Variants in NEXMIF observed in about 807,000 individuals in gnomAD.
The protein encoded by NEXMIF is XLMR protein related to neurite extension.
NEXMIF carries 8 observed loss-of-function variants against 62.1 expected under a neutral mutation model. The observed-to-expected ratio is 0.13, with a 90% CI of 0.08 to 0.23. The LOEUF is 0.23. NEXMIF is among the 10% of genes least tolerant of loss of function. The probability of loss-of-function intolerance (pLI) is 1.00; values close to 1 mark genes in which losing one functional copy is unlikely to be tolerated. For missense variants in NEXMIF, 976 were observed against 1,113.3 expected (o/e 0.88, Z 1.75); for synonymous variants, 404 against 416.6 (o/e 0.97, Z 0.37).
chrX:74,853,647 C>T (rs1447535673), intron 1 of NEXMIF, among the ~76,000 whole-genome samples: 1 of 110,763 alleles, frequency 9.0e-6, no homozygotes, highest in Non-Finnish European at 1.9e-5. Context: ...AGTTTTCACC[C>T]TTTCTAGCTG....
rs779709380 is a variant in NEXMIF, at chrX:74,794,519, C to T, written c.-47-48822G>A. Among the ~76,000 whole-genome samples the T allele has an allele frequency of 3.5e-3, 387 of 112,124 alleles. 2 individuals carry two copies. The highest frequency in any genetic ancestry group is 0.011 in the African/African-American group (349 of 30,930). ...TGGGCTCCACCCAGTTCGAGCTTCC[C>T]GGCTGCTTTGTTTACCTTATCAAGC... On this transcript the variant is annotated intron_variant, in intron 1 of 3. Transcript: ENST00000055682.
chrX:74,837,485 C>G (rs968098448), intron 1 of NEXMIF, among the ~76,000 whole-genome samples: 4 of 112,100 alleles, frequency 3.6e-5, no homozygotes, highest in African/African-American at 1.3e-4. Flanking sequence ...AATATTACCT[C>G]CTAACAGAAG....
intron 1 of NEXMIF, among the ~76,000 whole-genome samples, chrX:74,787,863 G>C (rs1238328807): frequency 9.0e-6 from 1 of 111,450 alleles, no homozygotes; most frequent in East Asian, 2.8e-4. Flanking sequence ...CTCAAACCTT[G>C]AAAGTACACT....
intron 1 of NEXMIF, among the ~76,000 whole-genome samples, chrX:74,821,612 T>G (rs1490732730): frequency 8.9e-6 from 1 of 112,255 alleles, no homozygotes; most frequent in Non-Finnish European, 1.9e-5. Context: ...ATTTAATTCA[T>G]TAGTTTTCAA....
At chrX:74,868,726 A>C (rs958036343) in intron 1 of NEXMIF, among the ~76,000 whole-genome samples, 2 of 110,712 alleles carry the variant, frequency 1.8e-5, no homozygotes, top group African/African-American at 6.6e-5. Flanking sequence ...ACCAGGGCAC[A>C]TGTTTACCTA....
At chrX:74,745,467 C>A in intron 2 of NEXMIF, 105 bp downstream of exon 2, 1 of 531,604 alleles carries the variant, frequency 1.9e-6, no homozygotes, top group Non-Finnish European at 3.3e-6. Context: ...ATTTCAGAGG[C>A]ATCCTGGACT....
intron 1 of NEXMIF, among the ~76,000 whole-genome samples, chrX:74,824,679 C>T (rs2080408647): frequency 9.4e-6 from 1 of 106,244 alleles, no homozygotes; most frequent in African/African-American, 3.5e-5. Flanking sequence ...GACAGAGTCT[C>T]ACTCTGTCGC....
intron 1 of NEXMIF, among the ~76,000 whole-genome samples, chrX:74,883,364 T>C (rs1268134619): frequency 1.8e-5 from 2 of 110,511 alleles, no homozygotes; most frequent in South Asian, 3.9e-4. Context: ...AAGAAGGAAG[T>C]TCGAACCAAT....
At chrX:74,843,581 A>AT (rs1158662415) in intron 1 of NEXMIF, among the ~76,000 whole-genome samples, 7 of 109,699 alleles carry the variant, frequency 6.4e-5, no homozygotes, top group Non-Finnish European at 1.9e-5. Flanking sequence ...CGCACAGCTA[A>AT]TTTTTTGTAT....
chrX:74,803,782 C>T (rs1164794245), intron 1 of NEXMIF, among the ~76,000 whole-genome samples: 1 of 109,822 alleles, frequency 9.1e-6, no homozygotes, highest in African/African-American at 3.3e-5. Flanking sequence ...AACACACACA[C>T]TTTTACCCTA....
chrX:74,850,988 A>G (rs780792629), intron 1 of NEXMIF, among the ~76,000 whole-genome samples: 1 of 110,662 alleles, frequency 9.0e-6, no homozygotes, highest in African/African-American at 3.3e-5. Context: ...ACAATTCAGT[A>G]TATTAATGAG....
intron 1 of NEXMIF, among the ~76,000 whole-genome samples, chrX:74,856,546 C>T (rs1236666264): frequency 9.0e-6 from 1 of 111,090 alleles, no homozygotes; most frequent in Non-Finnish European, 1.9e-5. Flanking sequence ...CAATAGACCA[C>T]ATATACAACA....
chrX:74,920,478 T>C (rs1455982993), intron 1 of NEXMIF, among the ~76,000 whole-genome samples: 1 of 111,280 alleles, frequency 9.0e-6, no homozygotes, highest in Non-Finnish European at 1.9e-5. Flanking sequence ...GGGTTGTTTG[T>C]TTTTTTCTTG....
At chrX:74,900,729 T>C (rs1018317231) in intron 1 of NEXMIF, among the ~76,000 whole-genome samples, 3 of 111,763 alleles carry the variant, frequency 2.7e-5, no homozygotes, top group Admixed American at 9.5e-5. Context: ...TCATTCACAA[T>C]AGCCAAAAGG....
chrX:74,877,696 A>G (rs1433727346), intron 1 of NEXMIF, among the ~76,000 whole-genome samples: 2 of 110,928 alleles, frequency 1.8e-5, no homozygotes, highest in African/African-American at 6.6e-5. Context: ...GTTTCTTTTT[A>G]TTCTTTTTTC....
intron 1 of NEXMIF, among the ~76,000 whole-genome samples, chrX:74,882,966 G>A (rs908895305): frequency 1.8e-5 from 2 of 111,399 alleles, no homozygotes; most frequent in African/African-American, 3.3e-5. Context: ...GGAATGATCA[G>A]GGAGCAGCAT....
rs2080092152 is a variant in NEXMIF, at chrX:74,738,767, T to G, written c.*638A>C. 1 of 109,740 alleles carries G rather than the reference T, an allele frequency of 9.1e-6. No homozygotes were observed. The highest frequency in any genetic ancestry group is 9.9e-5 in the Admixed American group (1 of 10,114). 9.0% of individuals were successfully genotyped at this position (109,740 alleles called of 1,213,427 possible). The stretch of plus-strand genomic sequence containing the variant: ...GGAACAAGAAAATCTTTATTTTGCC[T>G]TGTTTAGCTGTTCATGTTTCCACAC... On this transcript the variant is annotated 3_prime_UTR_variant, in exon 4 of 4. Transcript: ENST00000055682.
At chrX:74,860,164 G>A (rs1458888509) in intron 1 of NEXMIF, among the ~76,000 whole-genome samples, 1 of 111,339 alleles carries the variant, frequency 9.0e-6, no homozygotes, top group Non-Finnish European at 1.9e-5. Flanking sequence ...CTATAAGAAA[G>A]TCAGTATAAA....
chrX:74,856,583 G>A (rs771890415), intron 1 of NEXMIF, among the ~76,000 whole-genome samples: 1 of 110,300 alleles, frequency 9.1e-6, no homozygotes, highest in Non-Finnish European at 1.9e-5. Flanking sequence ...ATAATGGAGG[G>A]GAGAGGGCAG....
Sources: gnomAD v4.1 joint callset for allele counts (sites outside exome capture counted in the v4.1 genomes callset) on GRCh38, gnomAD v4.1.1 for gene constraint, MANE v1.5 for transcripts, NCBI Gene and HGNC (gene_info 2026-07-23, HGNC 2026-07-21) for gene names.